COL13A1: variants seen among roughly 807,000 people sequenced by gnomAD.
The protein encoded by COL13A1 is collagen alpha-1(XIII) chain.
A neutral mutation model predicts 130.9 loss-of-function variants in COL13A1; 89 were observed. That is an observed-to-expected ratio of 0.68 (90% CI 0.57 to 0.81). The LOEUF is 0.81. Among genes scored for constraint, COL13A1 ranks in the 30% least tolerant of loss-of-function variants. The pLI is 0.00. For missense variants in COL13A1, 879 were observed against 934.6 expected, an observed-to-expected ratio of 0.94 and a Z score of 0.78; for synonymous variants, 402 against 341.6, an observed-to-expected ratio of 1.18 and a Z score of -1.95.
chr10:69,869,169 C>A (rs577997771), intron 3 of COL13A1, among the ~76,000 whole-genome samples: 37 of 152,318 alleles, frequency 2.4e-4, no homozygotes, highest in African/African-American at 7.7e-4. Flanking sequence ...GCTGGCCCGA[C>A]CCAGGGACTG....
At chr10:69,933,034 G>A (rs1395142333) in intron 31 of COL13A1, among the ~76,000 whole-genome samples, 3 of 150,590 alleles carry the variant, frequency 2.0e-5, no homozygotes, top group Non-Finnish European at 2.9e-5. Context: ...TATTCGGGAG[G>A]CTGAGGCAGG....
intron 40 of COL13A1, among the ~76,000 whole-genome samples, chr10:69,958,114 A>G (rs970144958): frequency 6.6e-6 from 1 of 151,960 alleles, no homozygotes; most frequent in African/African-American, 2.4e-5. Flanking sequence ...AAGAAGGAAA[A>G]GCTCAACACT....
intron 1 of COL13A1, among the ~76,000 whole-genome samples, chr10:69,805,837 A>G (rs1044200539): frequency 1.3e-5 from 2 of 152,264 alleles, no homozygotes; most frequent in African/African-American, 4.8e-5. Context: ...AACCTGCCAC[A>G]GGACAGGAGA....
intron 5 of COL13A1, among the ~76,000 whole-genome samples, chr10:69,877,806 A>G (rs1193736037): frequency 6.6e-6 from 1 of 151,900 alleles, no homozygotes; most frequent in Admixed American, 6.6e-5. Context: ...TATCTGGAGC[A>G]GCTGCACATT....
chr10:69,884,596 C>G (rs1380701030), intron 7 of COL13A1, among the ~76,000 whole-genome samples: 1 of 152,142 alleles, frequency 6.6e-6, no homozygotes, highest in African/African-American at 2.4e-5. Context: ...CCTTCGGCTC[C>G]CTTTTCACTC....
chr10:69,841,202 C>T (rs909166574), intron 2 of COL13A1, among the ~76,000 whole-genome samples: 1 of 152,096 alleles, frequency 6.6e-6, no homozygotes, highest in Non-Finnish European at 1.5e-5. Flanking sequence ...TGCCTGTTAA[C>T]TCTCCCTTAC....
intron 17 of COL13A1, among the ~76,000 whole-genome samples, chr10:69,911,671 C>A (rs372886660): frequency 6.6e-6 from 1 of 152,268 alleles, no homozygotes; most frequent in Non-Finnish European, 1.5e-5. Flanking sequence ...TGGATTCAGG[C>A]CTTTCTCTGA....
intron 2 of COL13A1, among the ~76,000 whole-genome samples, chr10:69,850,875 T>A (rs1272903671): frequency 6.6e-6 from 1 of 151,902 alleles, no homozygotes; most frequent in Non-Finnish European, 1.5e-5. Context: ...ATGAAGGGGG[T>A]TCTTGGACAA....
In COL13A1 at chr10:69,932,729, G is replaced by A. The variant is rs1039509326; in HGVS notation, c.1728+125G>A. ...TTTACGTTTACTGAGCACCACCATA[G>A]GTCAGGCACTGATCCTCTGGACTGC... On this transcript the variant is annotated intron_variant, in intron 31 of 40. Transcript: ENST00000645393. 4.0e-5 allele frequency: 27 copies of A among 667,434 alleles called. No individual in the cohort carries two copies. In the African/African-American group the frequency reaches 4.5e-4, roughly 11 times the overall value. 41.3% of individuals were successfully genotyped at this position (667,434 alleles called of 1,614,324 possible). A position where few individuals can be genotyped will look rare whatever the true frequency, so the allele number is the denominator to read the frequency against.
chr10:69,931,355 G>A (rs915520676), intron 30 of COL13A1: 11 of 379,978 alleles, frequency 2.9e-5, no homozygotes, highest in African/African-American at 1.5e-4. Context: ...ACACTGTGAC[G>A]AGGCTGCCCT....
intron 7 of COL13A1, among the ~76,000 whole-genome samples, chr10:69,883,312 A>C (rs188533122): frequency 1.1e-4 from 16 of 152,232 alleles, no homozygotes; most frequent in Non-Finnish European, 1.6e-4. Context: ...GAAATGCCCT[A>C]CCTCAAAGTG....
chr10:69,947,981 A>G (rs1191989113), intron 38 of COL13A1, among the ~76,000 whole-genome samples: 1 of 152,210 alleles, frequency 6.6e-6, no homozygotes, highest in Non-Finnish European at 1.5e-5. Flanking sequence ...AGCCTTCAGC[A>G]TTTGGGCCCA....
At chr10:69,845,981 T>G (rs541249308) in intron 2 of COL13A1, among the ~76,000 whole-genome samples, 10 of 152,376 alleles carry the variant, frequency 6.6e-5, no homozygotes, top group African/African-American at 2.4e-4. Context: ...GGGACAGGGA[T>G]AGTGCCTTGC....
chr10:69,944,114 C>T lies in COL13A1; in HGVS notation c.1915-11C>T. 7.4e-6 allele frequency: 12 copies of T among 1,613,102 alleles called. No homozygotes were observed. Among genetic ancestry groups the T allele is most frequent in the Non-Finnish European group, 1.0e-5 (12 of 1,179,190 alleles). On this transcript the variant is annotated splice_polypyrimidine_tract_variant and intron_variant, in intron 35 of 40. Coordinates refer to ENST00000645393, the MANE Select transcript of COL13A1 (RefSeq NM_001368882.1). Reference sequence around the variant, plus strand: ...GGGGACCCTCACCTCTGCTTTCTTTCCCCTTCCCAGGGTACTCCAGGACCA... The same window carrying T: ...GGGGACCCTCACCTCTGCTTTCTTTTCCCTTCCCAGGGTACTCCAGGACCA...
intron 38 of COL13A1, among the ~76,000 whole-genome samples, chr10:69,949,358 A>G (rs112978478): frequency 6.6e-6 from 1 of 152,124 alleles, no homozygotes; most frequent in African/African-American, 2.4e-5. Context: ...AATTTTTTGT[A>G]TTTTAGTAGA....
chr10:69,891,172 T>C (rs2061133818), intron 10 of COL13A1, among the ~76,000 whole-genome samples: 4 of 152,214 alleles, frequency 2.6e-5, no homozygotes, highest in Admixed American at 2.6e-4. Flanking sequence ...TCCTTTTAAA[T>C]GATCACTCAC....
At chr10:69,934,847 A>T (rs2066619998) in intron 31 of COL13A1, among the ~76,000 whole-genome samples, 1 of 152,174 alleles carries the variant, frequency 6.6e-6, no homozygotes, top group South Asian at 2.1e-4. Context: ...CCAGATAACC[A>T]ATCTCTGCTT....
At chr10:69,957,114 C>T in intron 40 of COL13A1, 72 bp downstream of exon 40, 2 of 1,356,310 alleles carry the variant, frequency 1.5e-6, no homozygotes, top group Non-Finnish European at 2.1e-6. Context: ...AATTTCCATT[C>T]TGCCTTGCTA....
chr10:69,916,904 G>C (rs1277959203), intron 17 of COL13A1, among the ~76,000 whole-genome samples: 1 of 152,172 alleles, frequency 6.6e-6, no homozygotes, highest in African/African-American at 2.4e-5. Flanking sequence ...GGGACCAGAG[G>C]GAAGGTGTGC....
Sources: gnomAD v4.1 joint callset for allele counts (sites outside exome capture counted in the v4.1 genomes callset) on GRCh38, gnomAD v4.1.1 for gene constraint, MANE v1.5 for transcripts, NCBI Gene and HGNC (gene_info 2026-07-23, HGNC 2026-07-21) for gene names.